PACRGL: variants seen among roughly 807,000 people sequenced by gnomAD.
The protein encoded by PACRGL is PACRG-like protein.
Under a neutral mutation model 34.5 loss-of-function variants are expected in PACRGL, and 38 were observed. The ratio of observed to expected loss-of-function variants is 1.10; its 90% CI spans 0.85 to 1.44. The LOEUF (loss-of-function observed/expected upper bound fraction) is 1.44. Ranked by LOEUF, PACRGL falls within the 40% of genes most tolerant of loss-of-function variation. The pLI, the probability that PACRGL is intolerant of heterozygous loss-of-function variation, is 0.00. For synonymous variants in PACRGL, 128 were observed against 100.1 expected (o/e 1.28, Z -1.66); for missense variants, 305 against 281.4 (o/e 1.08, Z -0.60).
upstream of PACRGL, among the ~76,000 whole-genome samples, chr4:20,699,117 G>A (rs1731434582): frequency 6.6e-6 from 1 of 152,310 alleles, no homozygotes; most frequent in African/African-American, 2.4e-5. Flanking sequence ...GAGCTCTACT[G>A]AGTCTGACAC....
chr4:20,729,320 ATAC>A lies in PACRGL; in HGVS notation c.*1982_*1984del, dbSNP rs1340981492. On this transcript the variant is annotated 3_prime_UTR_variant, in exon 9 of 9. Transcript: ENST00000503585. ...TTCTTCAACTTCCACTTAATGATTG[ATAC>A]TAATGATTGATACAATAGAAAACAG... is the stretch of plus-strand genomic sequence containing the variant. 1 of 152,248 alleles carries A rather than the reference ATAC, an allele frequency of 6.6e-6. No homozygotes were observed. The highest frequency in any genetic ancestry group is 1.5e-5 in the Non-Finnish European group (1 of 67,980). 9.4% of individuals were successfully genotyped at this position (152,248 alleles called of 1,614,324 possible). A position where few individuals can be genotyped will look rare whatever the true frequency, so the allele number is the denominator to read the frequency against.
At chr4:20,710,039 A>T (rs775478883) in intron 5 of PACRGL, among the ~76,000 whole-genome samples, 55 of 152,350 alleles carry the variant, frequency 3.6e-4, no homozygotes, top group Non-Finnish European at 2.2e-4. Flanking sequence ...TACTTCAAAA[A>T]AAATATGTGG....
chr4:20,760,770 C>A, the PACRGL span, among the ~76,000 whole-genome samples: 1 of 151,870 alleles, frequency 6.6e-6, no homozygotes, highest in Admixed American at 6.6e-5. Context: ...TATTAGATGA[C>A]CCCTGTGGAA....
downstream of PACRGL, among the ~76,000 whole-genome samples, chr4:20,754,543 TTGTA>T (rs1754178015): frequency 6.6e-6 from 1 of 152,224 alleles, no homozygotes; most frequent in South Asian, 2.1e-4. Flanking sequence ...AAGAAACAAT[TTGTA>T]TGTATGATAT....
intron 8 of PACRGL, among the ~76,000 whole-genome samples, chr4:20,752,055 GTT>G (rs33912651): frequency 2.5e-5 from 3 of 121,670 alleles, no homozygotes; most frequent in Admixed American, 8.9e-5. Flanking sequence ...ACTTCATAGA[GTT>G]TTTTTTTTTT....
chr4:20,759,866 G>A, the PACRGL span, among the ~76,000 whole-genome samples: 1 of 152,122 alleles, frequency 6.6e-6, no homozygotes, highest in Non-Finnish European at 1.5e-5. Flanking sequence ...GATATTAACT[G>A]TATGGTGATC....
intron 5 of PACRGL, 175 bp from the exon 6 acceptor site, chr4:20,712,613 C>G (rs1293439410): frequency 1.7e-6 from 1 of 579,780 alleles, no homozygotes; most frequent in African/African-American, 1.9e-5. Flanking sequence ...CCAAGGGACC[C>G]TTTGTCCCAC....
chr4:20,718,809 C>G (rs1331957912), intron 7 of PACRGL: 2 of 152,204 alleles, frequency 1.3e-5, no homozygotes, highest in African/African-American at 4.8e-5. Context: ...TGTTGTGTCT[C>G]TGCCAGGTTT....
In PACRGL at chr4:20,729,959, G is replaced by A. The variant is rs763225386; in HGVS notation, c.*2618G>A. 19 of 1,162,032 alleles carry A rather than the reference G, an allele frequency of 1.6e-5. No homozygotes were observed. Among genetic ancestry groups the A allele is most frequent in the Non-Finnish European group, 2.2e-5 (19 of 858,340 alleles). 72.0% of individuals were successfully genotyped at this position (1,162,032 alleles called of 1,614,324 possible). A position where few individuals can be genotyped will look rare whatever the true frequency, so the allele number is the denominator to read the frequency against. On this transcript the variant is annotated 3_prime_UTR_variant, in exon 9 of 9. Coordinates refer to ENST00000503585, the MANE Select transcript of PACRGL (RefSeq NM_001258345.3). ...GGGGATTGCTTTATATTAAAACAAA[G>A]CTTGTTTGCATAATATGCTTCAGTG... is the stretch of plus-strand genomic sequence containing the variant.
At chr4:20,733,034 A>G (rs1028178842), downstream of PACRGL, among the ~76,000 whole-genome samples, 2 of 152,218 alleles carry the variant, frequency 1.3e-5, no homozygotes, top group Non-Finnish European at 2.9e-5. Flanking sequence ...ATTTCCATGT[A>G]TCTACCATAG....
chr4:20,757,003 C>T (rs1386830330), downstream of PACRGL, among the ~76,000 whole-genome samples: 1 of 152,058 alleles, frequency 6.6e-6, no homozygotes, highest in Non-Finnish European at 1.5e-5. Flanking sequence ...CTGACTTGTC[C>T]TCTGAGCCTC....
chr4:20,713,162 G>C, intron 6 of PACRGL: 1 of 541,528 alleles, frequency 1.8e-6, no homozygotes, highest in East Asian at 3.0e-5. Flanking sequence ...AGTAATTAGA[G>C]GAAGTAATGA....
At chr4:20,761,111 C>T in the PACRGL span, among the ~76,000 whole-genome samples, 1 of 152,136 alleles carries the variant, frequency 6.6e-6, no homozygotes, top group South Asian at 2.1e-4. Flanking sequence ...AAAGACGGAC[C>T]TTCCCAGAGA....
chr4:20,767,276 T>G, the PACRGL span: 1 of 152,136 alleles, frequency 6.6e-6, no homozygotes, highest in South Asian at 2.1e-4. Context: ...TCTAATATCA[T>G]CAGAATTTAC....
downstream of PACRGL, chr4:20,732,690 T>C: frequency 1.2e-6 from 2 of 1,608,112 alleles, no homozygotes; most frequent in Non-Finnish European, 1.7e-6. Context: ...CCTGAAAAAA[T>C]GTTTCAACGT....
downstream of PACRGL, among the ~76,000 whole-genome samples, chr4:20,737,203 AGAG>A (rs1749823571): frequency 6.6e-6 from 1 of 152,196 alleles, no homozygotes; most frequent in African/African-American, 2.4e-5. Flanking sequence ...GCAGGTACAG[AGAG>A]GAGAAGCTGG....
intron 7 of PACRGL, among the ~76,000 whole-genome samples, chr4:20,716,437 G>A (rs1035246301): frequency 1.3e-5 from 2 of 152,128 alleles, no homozygotes; most frequent in African/African-American, 4.8e-5. Context: ...CCATGTTGGT[G>A]TGTTGAACCC....
At position 20,713,521 on chromosome 4, in the gene PACRGL, G is replaced by A. The variant is rs1738311744; in HGVS notation, c.591G>A (p.Leu197=). 1 of 1,611,998 alleles carries A rather than the reference G, an allele frequency of 6.2e-7. No individual in the cohort carries two copies. Among genetic ancestry groups the A allele is most frequent in the Non-Finnish European group, 8.5e-7 (1 of 1,178,294 alleles). ...VVVGPSLNDH[L]KHLLTSLSKR... ...TTGGTCCTTCTCTAAACGACCATCTGAAGCATCTGCTTACAAGCGTAAGTA... is the reference window on the plus strand; with the variant it reads ...TTGGTCCTTCTCTAAACGACCATCTAAAGCATCTGCTTACAAGCGTAAGTA... Residue 197 remains leucine (L), a synonymous_variant, in exon 7 of 9, where the codon CTG becomes CTA. Transcript: ENST00000503585.
At chr4:20,738,271 A>T (rs1364472943) in intron 8 of PACRGL, among the ~76,000 whole-genome samples, 1 of 152,220 alleles carries the variant, frequency 6.6e-6, no homozygotes, top group East Asian at 1.9e-4. Flanking sequence ...CGATATTTTT[A>T]AAAATTCACA....
Sources: allele counts gnomAD v4.1 joint callset (sites outside exome capture counted in the v4.1 genomes callset), GRCh38; gene constraint gnomAD v4.1.1; transcripts MANE v1.5; gene names NCBI Gene and HGNC (gene_info 2026-07-23, HGNC 2026-07-21).